Variants in LUZP2 observed in about 807,000 individuals in gnomAD.
LUZP2 encodes the protein leucine zipper protein 2.
In LUZP2, 52 loss-of-function variants were observed where a neutral mutation model predicts 51.6. The observed-to-expected ratio is 1.01, with a 90% CI of 0.81 to 1.27. The LOEUF (loss-of-function observed/expected upper bound fraction) is 1.27, where lower values mean the gene tolerates loss of function less well. Ranked by LOEUF, LUZP2 falls within the 50% of genes most tolerant of loss-of-function variation. The pLI, the probability that LUZP2 is intolerant of heterozygous loss-of-function variation, is 0.00. For missense variants in LUZP2, 436 were observed against 395.4 expected (o/e 1.10, Z -0.87); for synonymous variants, 154 against 137.3 (o/e 1.12, Z -0.85).
chr11:24,671,196 C>T (rs1298443017), intron 1 of LUZP2, among the ~76,000 whole-genome samples: 1 of 151,820 alleles, frequency 6.6e-6, no homozygotes, highest in Non-Finnish European at 1.5e-5. Flanking sequence ...TATTTGCTTA[C>T]ATTAAGAACT....
intron 1 of LUZP2, among the ~76,000 whole-genome samples, chr11:24,689,921 T>G (rs1857017276): frequency 6.6e-6 from 1 of 152,106 alleles, no homozygotes; most frequent in Non-Finnish European, 1.5e-5. Context: ...TTTCCAGAAT[T>G]TTATAAACTG....
At chr11:24,920,265 G>A (rs931421834) in intron 7 of LUZP2, among the ~76,000 whole-genome samples, 1 of 151,942 alleles carries the variant, frequency 6.6e-6, no homozygotes, top group African/African-American at 2.4e-5. Context: ...GTGTCATTCA[G>A]TGTTTGAAAT....
intron 1 of LUZP2, among the ~76,000 whole-genome samples, chr11:24,715,120 G>A (rs1442355938): frequency 6.6e-6 from 1 of 152,070 alleles, no homozygotes; most frequent in African/African-American, 2.4e-5. Flanking sequence ...AGTGGACAGA[G>A]TGAACAATGA....
chr11:25,072,247 CTT>C (rs1859179718), intron 10 of LUZP2, among the ~76,000 whole-genome samples: 1 of 152,052 alleles, frequency 6.6e-6, no homozygotes, highest in East Asian at 1.9e-4. Flanking sequence ...CTCTGATACT[CTT>C]TTTAATATGT....
chr11:24,917,494 C>A (rs1853831019), intron 7 of LUZP2, among the ~76,000 whole-genome samples: 1 of 152,064 alleles, frequency 6.6e-6, no homozygotes, highest in African/African-American at 2.4e-5. Context: ...TTTAATCCAT[C>A]TTGAATTAAT....
At chr11:24,899,170 G>T (rs1853188043) in intron 5 of LUZP2, among the ~76,000 whole-genome samples, 1 of 151,750 alleles carries the variant, frequency 6.6e-6, no homozygotes, top group Non-Finnish European at 1.5e-5. Flanking sequence ...ACCTCATCAG[G>T]GATACCTTTT....
Position 25,072,105 on chromosome 11 carries a change from A to T in LUZP2, c.859-5224A>T, listed in dbSNP as rs191607041. ...CAAGGATATTGCAGAACTTCCCCTG[A>T]TAGATAATTAGTAGGTGAAAGAACT... is the stretch of plus-strand genomic sequence containing the variant. On this transcript the variant is annotated intron_variant, in intron 10 of 11. Transcript: ENST00000336930. Among the ~76,000 whole-genome samples the T allele has an allele frequency of 5.4e-3, 819 of 152,202 alleles. 8 individuals are homozygous for T. The highest frequency in any genetic ancestry group is 0.019 in the African/African-American group (779 of 41,556).
At chr11:24,546,039 A>G (rs2202894) in intron 1 of LUZP2, among the ~76,000 whole-genome samples, 63,671 of 151,688 alleles carry the variant, frequency 0.42, 13,861 homozygotes, top group African/African-American at 0.52. Flanking sequence ...ATGCTTTTTT[A>G]GCAATTGTGA....
At chr11:25,070,941 G>A (rs2134054673) in intron 10 of LUZP2, among the ~76,000 whole-genome samples, 1 of 151,870 alleles carries the variant, frequency 6.6e-6, no homozygotes, top group African/African-American at 2.4e-5. Context: ...ATCACCTTTA[G>A]CCGTGACCTT....
intron 4 of LUZP2, among the ~76,000 whole-genome samples, chr11:24,741,956 TTATATATAAATATA>T (rs1859179796): frequency 8.0e-6 from 1 of 125,698 alleles, no homozygotes. Context: ...CATTTATATA[TTATATATAAATATA>T]TACATTTATA....
At chr11:24,845,753 C>T (rs1378409907) in intron 5 of LUZP2, among the ~76,000 whole-genome samples, 5 of 109,658 alleles carry the variant, frequency 4.6e-5, no homozygotes, top group African/African-American at 1.9e-4. Context: ...CTCTCTCTCT[C>T]TTTGTCTGCC....
chr11:24,684,008 A>T (rs553264889), intron 1 of LUZP2, among the ~76,000 whole-genome samples: 12 of 152,290 alleles, frequency 7.9e-5, no homozygotes, highest in Admixed American at 7.2e-4. Context: ...TTCTATATCA[A>T]AATATTAGTC....
intron 1 of LUZP2, among the ~76,000 whole-genome samples, chr11:24,607,853 T>C (rs1372081898): frequency 2.0e-5 from 3 of 151,968 alleles, no homozygotes; most frequent in Non-Finnish European, 4.4e-5. Context: ...TTTTTTATTT[T>C]AGTTTTTATT....
chr11:24,511,925 C>T (rs569118924), intron 1 of LUZP2, among the ~76,000 whole-genome samples: 3 of 152,116 alleles, frequency 2.0e-5, no homozygotes, highest in Admixed American at 1.3e-4. Context: ...TGATAATATG[C>T]ACTAGTATCC....
intron 1 of LUZP2, among the ~76,000 whole-genome samples, chr11:24,572,117 A>G (rs982963243): frequency 2.0e-5 from 3 of 152,058 alleles, no homozygotes; most frequent in African/African-American, 7.2e-5. Context: ...GAAGCCCAAT[A>G]AATAGTGAAG....
At chr11:25,066,984 A>C (rs546620410) in intron 10 of LUZP2, among the ~76,000 whole-genome samples, 1 of 152,144 alleles carries the variant, frequency 6.6e-6, no homozygotes, top group African/African-American at 2.4e-5. Context: ...AATTAAAACT[A>C]CAAAAGGTAT....
At chr11:24,728,150 A>T (rs10767244) in intron 1 of LUZP2, among the ~76,000 whole-genome samples, 53,035 of 151,816 alleles carry the variant, frequency 0.35, 9,645 homozygotes, top group Non-Finnish European at 0.4. Context: ...CAATTTTACA[A>T]TTGAACTTGT....
chr11:25,020,984 A>G (rs1006677622), intron 9 of LUZP2, among the ~76,000 whole-genome samples: 2 of 152,198 alleles, frequency 1.3e-5, no homozygotes, highest in Non-Finnish European at 2.9e-5. Context: ...TTCTGGTGAC[A>G]TTACTGAATT....
chr11:24,509,762 T>A (rs1408900624), intron 1 of LUZP2, among the ~76,000 whole-genome samples: 1 of 151,928 alleles, frequency 6.6e-6, no homozygotes, highest in Non-Finnish European at 1.5e-5. Flanking sequence ...AAAGTAGGCT[T>A]ATTTGGTAAC....
Sources: allele counts gnomAD v4.1 joint callset (sites outside exome capture counted in the v4.1 genomes callset), GRCh38; gene constraint gnomAD v4.1.1; transcripts MANE v1.5; gene names NCBI Gene and HGNC (gene_info 2026-07-23, HGNC 2026-07-21).